The following SLC4A8 variants were observed in gnomAD, a reference collection of about 807,000 sequenced individuals.
SLC4A8 encodes the protein electroneutral sodium bicarbonate exchanger 1.
Under a neutral mutation model 125.0 loss-of-function variants are expected in SLC4A8, and 40 were observed. That is an observed-to-expected ratio of 0.32 (90% confidence interval 0.25 to 0.42). The LOEUF (loss-of-function observed/expected upper bound fraction) is 0.42. SLC4A8 is among the 10% of genes least tolerant of loss of function. The pLI is 1.00. For missense variants in SLC4A8, 863 were observed against 1,355.1 expected (o/e 0.64, Z 5.70); for synonymous variants, 456 against 476.0 (o/e 0.96, Z 0.55).
intron 22 of SLC4A8, among the ~76,000 whole-genome samples, chr12:51,503,107 G>A (rs1040436884): frequency 4.6e-5 from 7 of 151,916 alleles, no homozygotes; most frequent in Admixed American, 3.9e-4. Flanking sequence ...CTCCCAAAGT[G>A]CTGGGATTAC....
intron 11 of SLC4A8, among the ~76,000 whole-genome samples, chr12:51,468,802 C>T (rs1385785620): frequency 2.0e-5 from 3 of 152,168 alleles, no homozygotes; most frequent in Non-Finnish European, 4.4e-5. Flanking sequence ...TTTTTTAAGG[C>T]CTTTTTGACT....
chr12:51,424,943 A>G lies in SLC4A8; in HGVS notation c.-45A>G. 1 of 1,547,956 alleles carries G rather than the reference A, an allele frequency of 6.5e-7. No individual in the cohort carries two copies. The highest frequency in any genetic ancestry group is 8.7e-7 in the Non-Finnish European group (1 of 1,145,008). On this transcript the variant is annotated 5_prime_UTR_variant, in exon 1 of 25. An upstream start codon of the reference 5' UTR is lost. Transcript: ENST00000453097. The stretch of plus-strand genomic sequence containing the variant: ...CCCGACCAGAGGGCGCGGGCTGCTG[A>G]TGCTTGGCTTGGAGCCCGTGGGGGA...
intron 5 of SLC4A8, among the ~76,000 whole-genome samples, chr12:51,455,334 G>A (rs1236874262): frequency 6.6e-6 from 1 of 151,600 alleles, no homozygotes; most frequent in Admixed American, 6.6e-5. Context: ...GCCTTCAAGT[G>A]GGGGAAATAG....
Position 51,452,131 on chromosome 12 carries a change from A to G in SLC4A8, c.285A>G (p.Pro95=), listed in dbSNP as rs1183365434. The part of the protein sequence containing the change: ...EGLEALAHDT[P]SQRVQFILGT... Reference sequence around the variant, plus strand: ...CTTTGGTTGATTTCCTAGACACACCATCTCAGCGTGTTCAGTTCATTCTTG... The same window carrying G: ...CTTTGGTTGATTTCCTAGACACACCGTCTCAGCGTGTTCAGTTCATTCTTG... Residue 95 remains proline (P), a synonymous_variant, in exon 4 of 25, where the codon CCA becomes CCG. Coordinates refer to ENST00000453097, the MANE Select transcript of SLC4A8 (RefSeq NM_001039960.3). 2.5e-6 allele frequency: 4 copies of G among 1,614,194 alleles called. No homozygotes were observed. Among genetic ancestry groups the G allele is most frequent in the Non-Finnish European group, 3.4e-6 (4 of 1,179,990 alleles).
chr12:51,468,401 G>A (rs977945504), intron 11 of SLC4A8, among the ~76,000 whole-genome samples: 4 of 152,198 alleles, frequency 2.6e-5, no homozygotes, highest in African/African-American at 9.7e-5. Flanking sequence ...GTTTGATTAT[G>A]TCACTCTTCT....
chr12:51,495,009 G>A lies in SLC4A8; in HGVS notation c.2834G>A (p.Arg945Gln). Residue 945 changes from arginine (R) to glutamine (Q), a missense_variant, in exon 21 of 25, where the codon CGG becomes CAG. Physicochemically the swap from Arg to Gln is conservative, Grantham distance 43 (BLOSUM62 1). Around this residue, in one of 6 missense-constraint regions of SLC4A8, gnomAD observed 197 missense variants for 377.7 expected, o/e 0.52. Coordinates refer to ENST00000453097, the MANE Select transcript of SLC4A8 (RefSeq NM_001039960.3). ...CACCAGCCAGATTTCATCTACCTGC[G>A]GCATGTGCCGCTGCGCAAAGTGCAC... ...AKHQPDFIYLRHVPLRKVHLF... is the reference protein window; with the variant it reads ...AKHQPDFIYLQHVPLRKVHLF... The A allele has an allele frequency of 1.2e-6, 2 of 1,614,142 alleles. No homozygotes were observed. The highest frequency in any genetic ancestry group is 2.2e-5 in the East Asian group (1 of 44,884).
chr12:51,484,697 A>T (rs1288161524), intron 16 of SLC4A8, among the ~76,000 whole-genome samples: 1 of 152,200 alleles, frequency 6.6e-6, no homozygotes, highest in Non-Finnish European at 1.5e-5. Flanking sequence ...GGCACGGGTC[A>T]TTTGCCAGGT....
At chr12:51,470,212 A>G (rs1950651417) in intron 12 of SLC4A8, among the ~76,000 whole-genome samples, 180 bp from the exon 13 acceptor site, 1 of 152,184 alleles carries the variant, frequency 6.6e-6, no homozygotes, top group South Asian at 2.1e-4. Flanking sequence ...CACCTGAATT[A>G]TTAAAGTAGT....
At chr12:51,405,449 T>C (rs1253688748) in intron 1 of SLC4A8, among the ~76,000 whole-genome samples, 1 of 152,248 alleles carries the variant, frequency 6.6e-6, no homozygotes, top group African/African-American at 2.4e-5. Context: ...ACCATGTCCC[T>C]CATGTTTGCT....
intron 7 of SLC4A8, among the ~76,000 whole-genome samples, chr12:51,459,367 A>G (rs1950249288): frequency 6.6e-6 from 1 of 152,164 alleles, no homozygotes; most frequent in Non-Finnish European, 1.5e-5. Context: ...AGAATACCTG[A>G]TTTTAAAATC....
At chr12:51,430,048 G>A (rs1325995453) in intron 1 of SLC4A8, among the ~76,000 whole-genome samples, 2 of 152,068 alleles carry the variant, frequency 1.3e-5, no homozygotes, top group South Asian at 2.1e-4. Flanking sequence ...GGAAAGTTCA[G>A]GGAGGGTGAA....
intron 6 of SLC4A8, among the ~76,000 whole-genome samples, chr12:51,458,202 CAT>C (rs1271002143): frequency 6.6e-6 from 1 of 152,168 alleles, no homozygotes; most frequent in Non-Finnish European, 1.5e-5. Flanking sequence ...GGTCTCTACT[CAT>C]AGTGAATCAC....
At chr12:51,448,008 C>A (rs989880235) in intron 2 of SLC4A8, among the ~76,000 whole-genome samples, 2 of 152,096 alleles carry the variant, frequency 1.3e-5, no homozygotes, top group East Asian at 3.9e-4. Flanking sequence ...CGTGAGCCAC[C>A]ACGTCCGGCT....
At chr12:51,468,765 A>AT (rs1950601981) in intron 11 of SLC4A8, among the ~76,000 whole-genome samples, 1 of 152,360 alleles carries the variant, frequency 6.6e-6, no homozygotes, top group Admixed American at 6.5e-5. Flanking sequence ...GTCTCAAAAA[A>AT]ATATATAAAA....
chr12:51,427,130 G>A (rs1949019205), intron 1 of SLC4A8, among the ~76,000 whole-genome samples: 1 of 151,898 alleles, frequency 6.6e-6, no homozygotes, highest in Admixed American at 6.6e-5. Context: ...AGTAGAGACA[G>A]GGTTTCACCG....
chr12:51,492,550 C>G (rs1255166448), intron 19 of SLC4A8, among the ~76,000 whole-genome samples: 1 of 152,184 alleles, frequency 6.6e-6, no homozygotes, highest in African/African-American at 2.4e-5. Context: ...CTGGGCTTTC[C>G]CCTAGCTGCT....
intron 11 of SLC4A8, among the ~76,000 whole-genome samples, chr12:51,468,006 G>A (rs912744688): frequency 4.6e-5 from 7 of 152,144 alleles, no homozygotes; most frequent in African/African-American, 1.4e-4. Flanking sequence ...TTTGACATAG[G>A]AGTCAAAGTT....
intron 1 of SLC4A8, among the ~76,000 whole-genome samples, chr12:51,437,981 T>G (rs1400965387): frequency 6.6e-6 from 1 of 152,190 alleles, no homozygotes; most frequent in Non-Finnish European, 1.5e-5. Context: ...TTCATTCTTT[T>G]AAAACGTTTA....
At chr12:51,435,876 C>T (rs565474942) in intron 1 of SLC4A8, among the ~76,000 whole-genome samples, 5 of 152,104 alleles carry the variant, frequency 3.3e-5, no homozygotes, top group Non-Finnish European at 7.4e-5. Context: ...GGACCTATGA[C>T]CAGCCATTTC....
Sources: allele counts gnomAD v4.1 joint callset (sites outside exome capture counted in the v4.1 genomes callset), GRCh38; gene constraint gnomAD v4.1.1; regional missense constraint gnomAD v4.1.1; transcripts MANE v1.5; gene names NCBI Gene and HGNC (gene_info 2026-07-23, HGNC 2026-07-21).